ANO10: variants seen among roughly 807,000 people sequenced by gnomAD.
ANO10 encodes anoctamin 10, also known as anoctamin-10.
In ANO10, 77 loss-of-function variants were observed where a neutral mutation model predicts 74.7. That is an observed-to-expected ratio of 1.03 (90% CI 0.86 to 1.25). The LOEUF (loss-of-function observed/expected upper bound fraction) is 1.25, where lower values mean the gene tolerates loss of function less well. ANO10 is among the 50% of genes most tolerant of loss of function. ANO10 has a pLI of 0.00. For missense variants in ANO10, 721 were observed against 778.1 expected (o/e 0.93, Z 0.87); for synonymous variants, 279 against 284.9 (o/e 0.98, Z 0.21).
At chr3:43,486,374 T>G (rs545633449) in intron 11 of ANO10, among the ~76,000 whole-genome samples, 1 of 152,010 alleles carries the variant, frequency 6.6e-6, no homozygotes, top group Admixed American at 6.6e-5. Context: ...GGGGATGGCA[T>G]TGAATCTGTA....
intron 2 of ANO10, among the ~76,000 whole-genome samples, chr3:43,602,678 T>G (rs1325960787): frequency 6.6e-6 from 1 of 152,234 alleles, no homozygotes; most frequent in Admixed American, 6.5e-5. Flanking sequence ...CATTTTGTTT[T>G]GAAAAAGAGC....
At chr3:43,615,658 G>GT (rs910362672) in intron 1 of ANO10, among the ~76,000 whole-genome samples, 37 of 147,400 alleles carry the variant, frequency 2.5e-4, no homozygotes, top group East Asian at 3.9e-4. Context: ...TTTGTTTTTT[G>GT]TTTTTTTTTT....
intron 11 of ANO10, among the ~76,000 whole-genome samples, chr3:43,530,190 A>G (rs529509821): frequency 6.6e-6 from 1 of 152,246 alleles, no homozygotes; most frequent in Non-Finnish European, 1.5e-5. Context: ...ACAATTAAAA[A>G]TGAAAATGTA....
At chr3:43,563,418 GTT>G (rs35992992) in intron 8 of ANO10, among the ~76,000 whole-genome samples, 275 of 112,222 alleles carry the variant, frequency 2.5e-3, no homozygotes, top group Middle Eastern at 0.014. Context: ...ATGGCGAGAG[GTT>G]TTTTTTTTTT....
intron 11 of ANO10, among the ~76,000 whole-genome samples, chr3:43,481,927 C>CTTTTTTTTTTTTTTT (rs1161910647): frequency 1.6e-5 from 2 of 123,880 alleles, no homozygotes; most frequent in Non-Finnish European, 3.4e-5. Flanking sequence ...CTTTTTTTTT[C>CTTTTTTTTTTTTTTT]TTTTTTTTTT....
At chr3:43,454,441 G>A (rs931653354) in intron 11 of ANO10, among the ~76,000 whole-genome samples, 5 of 152,128 alleles carry the variant, frequency 3.3e-5, no homozygotes, top group African/African-American at 1.2e-4. Context: ...AAGCAGAAGG[G>A]TGGCCCAAGA....
rs182147497 is a variant in ANO10, at chr3:43,629,580, T to C, written c.-11-23717A>G. On this transcript the variant is annotated intron_variant, in intron 1 of 3. Transcript: ENST00000413397. Reference sequence around the variant, plus strand: ...GGATGGAAGCTGGCTGTTGCAATCTTTGAGACAAGAGATGGATTGATTGTA... The same window carrying C: ...GGATGGAAGCTGGCTGTTGCAATCTCTGAGACAAGAGATGGATTGATTGTA... Among the ~76,000 whole-genome samples, 835 of 152,292 alleles carry C rather than the reference T, an allele frequency of 5.5e-3. 6 individuals carry two copies. Among genetic ancestry groups the C allele is most frequent in the South Asian group, 7.9e-3 (38 of 4,816 alleles).
In ANO10 at chr3:43,565,732, CAAAAA is replaced by C. The variant is rs367784953; in HGVS notation, c.1219-10_1219-6del. ...AAAGCAATTGAGGAAGTTGAACTGC[CAAAAA>C]AAAAAAAAAAAAAGATAAGTGTTAA... On this transcript the variant is annotated splice_region_variant and splice_polypyrimidine_tract_variant and intron_variant, in intron 7 of 12. Coordinates refer to ENST00000292246, the MANE Select transcript of ANO10 (RefSeq NM_018075.5). The C allele has an allele frequency of 2.2e-4, 286 of 1,272,970 alleles. No individual in the cohort carries two copies. The highest frequency in any genetic ancestry group is 7.2e-4 in the Middle Eastern group (3 of 4,150). The allele number at this position is 1,272,970 out of a possible 1,614,324, so 78.9% of individuals were successfully genotyped here.
intron 12 of ANO10, among the ~76,000 whole-genome samples, chr3:43,417,451 G>A (rs967235012): frequency 1.3e-5 from 2 of 152,060 alleles, no homozygotes; most frequent in Non-Finnish European, 2.9e-5. Context: ...TCCTCAAGCC[G>A]GACTACAAAG....
At chr3:43,650,368 G>A (rs2083773658) in intron 1 of ANO10, among the ~76,000 whole-genome samples, 1 of 152,126 alleles carries the variant, frequency 6.6e-6, no homozygotes, top group Non-Finnish European at 1.5e-5. Context: ...GTAGTTGAAA[G>A]GAAACTTCTC....
chr3:43,446,006 G>C (rs1179742412), intron 11 of ANO10, among the ~76,000 whole-genome samples: 1 of 152,170 alleles, frequency 6.6e-6, no homozygotes, highest in Non-Finnish European at 1.5e-5. Context: ...TCTGTCAGGA[G>C]CTGTCCAAAC....
chr3:43,529,440 A>C (rs1019154419), intron 11 of ANO10, among the ~76,000 whole-genome samples: 6 of 152,172 alleles, frequency 3.9e-5, no homozygotes, highest in African/African-American at 1.4e-4. Flanking sequence ...GTGGGAATCT[A>C]GGCCCTGCCC....
At chr3:43,523,248 G>A (rs778304789) in intron 11 of ANO10, among the ~76,000 whole-genome samples, 6 of 152,168 alleles carry the variant, frequency 3.9e-5, no homozygotes, top group Non-Finnish European at 5.9e-5. Flanking sequence ...TCCATTGGAG[G>A]AGTCACATGA....
intron 12 of ANO10, among the ~76,000 whole-genome samples, chr3:43,412,517 A>G (rs889522440): frequency 6.6e-6 from 1 of 152,174 alleles, no homozygotes; most frequent in Non-Finnish European, 1.5e-5. Flanking sequence ...AACCCTGCAA[A>G]GCTGTTCCCA....
intron 1 of ANO10, among the ~76,000 whole-genome samples, chr3:43,655,845 G>A (rs112076236): frequency 1.4e-3 from 120 of 84,758 alleles, no homozygotes; most frequent in African/African-American, 3.5e-3. Flanking sequence ...AGACATAAAG[G>A]TTCTCCACGT....
chr3:43,623,415 A>G (rs2083460215), upstream of ANO10, among the ~76,000 whole-genome samples: 2 of 152,234 alleles, frequency 1.3e-5, no homozygotes, highest in South Asian at 4.1e-4. Context: ...GTTTTATACT[A>G]TCCTCAGTTT....
intron 12 of ANO10, among the ~76,000 whole-genome samples, chr3:43,426,454 A>G (rs1035523761): frequency 6.6e-6 from 1 of 152,202 alleles, no homozygotes; most frequent in African/African-American, 2.4e-5. Context: ...CCTGAGAGCT[A>G]TAATTAGTAG....
rs562499741 is a variant in ANO10 at position 43,463,015 on chromosome 3, G to A, written c.1798-30288C>T. Among the ~76,000 whole-genome samples the A allele has an allele frequency of 5.9e-5, 9 of 152,322 alleles. No individual in the cohort carries two copies. In the South Asian group the frequency reaches 1.0e-3, roughly 18 times the overall value. ...TTCAGAAGATCTATGGAAATGCCTC[G>A]ATGTCCAGGCAGAAGTTTGCTGCAG... On this transcript the variant is annotated intron_variant, in intron 11 of 12. Coordinates refer to ENST00000292246, the MANE Select transcript of ANO10 (RefSeq NM_018075.5).
At chr3:43,431,750 G>A (rs1007167371) in intron 12 of ANO10, among the ~76,000 whole-genome samples, 2 of 152,010 alleles carry the variant, frequency 1.3e-5, no homozygotes, top group African/African-American at 4.8e-5. Flanking sequence ...GCCTCATCAG[G>A]GCAAGTATTG....
Sources: gnomAD v4.1 joint callset for allele counts (sites outside exome capture counted in the v4.1 genomes callset) on GRCh38, gnomAD v4.1.1 for gene constraint, MANE v1.5 for transcripts, NCBI Gene and HGNC (gene_info 2026-07-23, HGNC 2026-07-21) for gene names.